Variants in DPY19L3 observed in about 807,000 individuals in gnomAD.
DPY19L3 encodes the protein dpy-19 like C-mannosyltransferase 3.
A neutral mutation model predicts 92.3 loss-of-function variants in DPY19L3; 51 were observed. The ratio of observed to expected loss-of-function variants is 0.55; its 90% confidence interval spans 0.44 to 0.70. The LOEUF is 0.70. Ranked by LOEUF, DPY19L3 falls within the 30% of genes least tolerant of loss-of-function variation. DPY19L3 has a pLI of 0.00. For synonymous variants in DPY19L3, 309 were observed against 315.2 expected, an observed-to-expected ratio of 0.98 and a Z score of 0.21; for missense variants, 706 against 855.9, an observed-to-expected ratio of 0.82 and a Z score of 2.18.
intron 3 of DPY19L3, 173 bp downstream of exon 3, chr19:32,411,545 G>T: frequency 2.0e-6 from 1 of 491,666 alleles, no homozygotes; most frequent in Non-Finnish European, 3.4e-6. Flanking sequence ...TAACATATTA[G>T]AATCTTTTTT....
At chr19:32,440,142 G>A (rs1032536545) in intron 8 of DPY19L3, among the ~76,000 whole-genome samples, 2 of 152,140 alleles carry the variant, frequency 1.3e-5, no homozygotes, top group Non-Finnish European at 2.9e-5. Context: ...TTATTTTGGG[G>A]CATAAATGCC....
chr19:32,434,756 T>A (rs1371873547), intron 4 of DPY19L3, among the ~76,000 whole-genome samples: 2 of 152,272 alleles, frequency 1.3e-5, no homozygotes, highest in Admixed American at 1.3e-4. Flanking sequence ...GCTGGAAGTC[T>A]GAGGTTAGGG....
chr19:32,467,584 A>G (rs1406144628), intron 15 of DPY19L3: 1 of 987,510 alleles, frequency 1.0e-6, no homozygotes, highest in East Asian at 1.1e-4. Context: ...GAGATGACCA[A>G]AAAAACAGTG....
chr19:32,453,413 C>A, intron 9 of DPY19L3, 137 bp downstream of exon 9: 1 of 847,762 alleles, frequency 1.2e-6, no homozygotes, highest in Non-Finnish European at 1.7e-6. Flanking sequence ...GCATTGTGTG[C>A]TTTTTCTTGT....
At chr19:32,412,588 G>T in intron 3 of DPY19L3, 1 of 152,128 alleles carries the variant, frequency 6.6e-6, no homozygotes, top group African/African-American at 2.4e-5. Flanking sequence ...CAGGGCATAG[G>T]GCGATGGGGA....
chr19:32,428,820 A>C (rs1451748926), intron 3 of DPY19L3, among the ~76,000 whole-genome samples: 1 of 89,572 alleles, frequency 1.1e-5, no homozygotes, highest in African/African-American at 3.5e-5. Flanking sequence ...TTAGCTGTAC[A>C]GTTTTTTTTT....
rs1351368026 is a variant in DPY19L3, at chr19:32,485,123, G to A, written c.*2883G>A. The A allele has an allele frequency of 1.3e-5, 2 of 152,080 alleles. No individual in the cohort carries two copies. The highest frequency in any genetic ancestry group is 6.6e-5 in the Admixed American group (1 of 15,258). The allele number at this position is 152,080 out of a possible 1,614,324, so 9.4% of individuals were successfully genotyped here. On this transcript the variant is annotated 3_prime_UTR_variant, in exon 19 of 19. Coordinates refer to ENST00000392250, the MANE Select transcript of DPY19L3 (RefSeq NM_001172774.2). Reference sequence around the variant, plus strand: ...ATCCGTGTCTTTATATCAGAAGATCGGCAAACGAATGTATATTACACAGTT... The same window carrying A: ...ATCCGTGTCTTTATATCAGAAGATCAGCAAACGAATGTATATTACACAGTT...
At chr19:32,465,078 A>G (rs1970161001) in intron 15 of DPY19L3, among the ~76,000 whole-genome samples, 3 of 152,330 alleles carry the variant, frequency 2.0e-5, no homozygotes, top group Admixed American at 6.5e-5. Context: ...GTGTTTTCAG[A>G]CCTATTTTGA....
At chr19:32,449,722 A>G (rs1321563890) in intron 8 of DPY19L3, among the ~76,000 whole-genome samples, 5 of 152,210 alleles carry the variant, frequency 3.3e-5, no homozygotes, top group Non-Finnish European at 5.9e-5. Context: ...CCGACATGCA[A>G]AAGAATGAAG....
chr19:32,479,464 G>C (rs1462253174), intron 17 of DPY19L3: 1 of 284,920 alleles, frequency 3.5e-6, no homozygotes. Context: ...TCAGGACCCT[G>C]GAACCCTTGG....
intron 16 of DPY19L3, among the ~76,000 whole-genome samples, chr19:32,472,843 G>A (rs575110021): frequency 6.6e-6 from 1 of 152,266 alleles, no homozygotes; most frequent in South Asian, 2.1e-4. Flanking sequence ...AAACCCGTGT[G>A]TGCAGTATTT....
intron 8 of DPY19L3, among the ~76,000 whole-genome samples, chr19:32,447,474 T>C (rs1432465682): frequency 1.3e-5 from 2 of 152,264 alleles, no homozygotes; most frequent in East Asian, 3.9e-4. Flanking sequence ...CCCAGCACTT[T>C]GGGAGGCTGA....
intron 9 of DPY19L3, among the ~76,000 whole-genome samples, chr19:32,454,451 G>A (rs1969802351): frequency 6.6e-6 from 1 of 152,160 alleles, no homozygotes; most frequent in African/African-American, 2.4e-5. Context: ...GCAGGCGCCT[G>A]TAGTCCCAGC....
At chr19:32,467,697 A>G (rs1056220765) in intron 15 of DPY19L3, 29 of 987,450 alleles carry the variant, frequency 2.9e-5, no homozygotes, top group Non-Finnish European at 3.5e-5. Flanking sequence ...GAGCATACAT[A>G]CATTGTCATT....
At chr19:32,421,250 C>G (rs1220470236) in intron 3 of DPY19L3, among the ~76,000 whole-genome samples, 1 of 152,120 alleles carries the variant, frequency 6.6e-6, no homozygotes, top group Non-Finnish European at 1.5e-5. Flanking sequence ...CTTGGAATTC[C>G]CTCAGAGCAA....
chr19:32,468,934 C>A, intron 16 of DPY19L3, 121 bp downstream of exon 16: 1 of 922,574 alleles, frequency 1.1e-6, no homozygotes, highest in Non-Finnish European at 1.5e-6. Flanking sequence ...AACATTCGTC[C>A]TTACTAGATT....
chr19:32,467,904 A>G (rs1266214783), intron 15 of DPY19L3: 1 of 985,250 alleles, frequency 1.0e-6, no homozygotes, highest in Non-Finnish European at 1.2e-6. Flanking sequence ...AGAAAACCTT[A>G]AGTACTCAAG....
intron 3 of DPY19L3, among the ~76,000 whole-genome samples, chr19:32,426,587 G>A (rs911931499): frequency 6.6e-6 from 1 of 152,164 alleles, no homozygotes; most frequent in African/African-American, 2.4e-5. Context: ...GTGTCTCAGG[G>A]AGCAGAGAGG....
intron 3 of DPY19L3, among the ~76,000 whole-genome samples, chr19:32,427,312 G>T (rs1291000547): frequency 3.3e-5 from 5 of 152,082 alleles, no homozygotes; most frequent in African/African-American, 1.2e-4. Context: ...TTTCTTGTTG[G>T]AACATAAACA....
Sources: allele counts gnomAD v4.1 joint callset (sites outside exome capture counted in the v4.1 genomes callset), GRCh38; gene constraint gnomAD v4.1.1; transcripts MANE v1.5; gene names NCBI Gene and HGNC (gene_info 2026-07-23, HGNC 2026-07-21).